Variants in ACTR3 observed in about 807,000 individuals in gnomAD.
ACTR3 encodes actin related protein 3, also known as actin-related protein 3.
Under a neutral mutation model 56.8 loss-of-function variants are expected in ACTR3, and 12 were observed. That is an observed-to-expected ratio of 0.21 (90% confidence interval 0.14 to 0.34). ACTR3 has a LOEUF of 0.34. Ranked by LOEUF, ACTR3 falls within the 10% of genes least tolerant of loss-of-function variation. The pLI is 1.00. For missense variants in ACTR3, 282 were observed against 512.5 expected (o/e 0.55, Z 4.34); for synonymous variants, 162 against 167.4 (o/e 0.97, Z 0.25).
chr2:113,942,782 A>T (rs1006500098), intron 8 of ACTR3, among the ~76,000 whole-genome samples: 5 of 152,152 alleles, frequency 3.3e-5, no homozygotes, highest in Admixed American at 3.3e-4. Flanking sequence ...ATTAAAATAT[A>T]TAACTAGTAG....
At chr2:113,939,141 A>T (rs1263117729) in intron 6 of ACTR3, among the ~76,000 whole-genome samples, 2 of 150,984 alleles carry the variant, frequency 1.3e-5, no homozygotes, top group Non-Finnish European at 2.9e-5. Flanking sequence ...CTCCTGCCTC[A>T]GCCTCCCGTG....
chr2:113,890,934 T>C (rs550998100), intron 1 of ACTR3, among the ~76,000 whole-genome samples: 88 of 152,286 alleles, frequency 5.8e-4, no homozygotes, highest in Middle Eastern at 6.8e-3. Context: ...TCCCTCTGCG[T>C]TTTAACCGGT....
chr2:113,935,683 C>T (rs1291919675), intron 6 of ACTR3, among the ~76,000 whole-genome samples: 1 of 151,948 alleles, frequency 6.6e-6, no homozygotes, highest in Non-Finnish European at 1.5e-5. Context: ...GTTTATTTTT[C>T]TTTCTTAGTG....
At chr2:113,940,188 A>T (rs1227003007) in intron 7 of ACTR3, 86 bp downstream of exon 7, 1 of 1,154,170 alleles carries the variant, frequency 8.7e-7, no homozygotes, top group African/African-American at 1.6e-5. Flanking sequence ...ATAGAAGAAG[A>T]GTACTTGAAA....
At chr2:113,942,855 A>G (rs1679949900) in intron 8 of ACTR3, among the ~76,000 whole-genome samples, 1 of 152,226 alleles carries the variant, frequency 6.6e-6, no homozygotes, top group Non-Finnish European at 1.5e-5. Context: ...TAAGAAATAC[A>G]TACTTTTAAT....
intron 1 of ACTR3, among the ~76,000 whole-genome samples, chr2:113,898,566 C>G (rs892998518): frequency 6.6e-6 from 1 of 152,068 alleles, no homozygotes; most frequent in Non-Finnish European, 1.5e-5. Flanking sequence ...TTCAGTGTTT[C>G]GTTGTAATGC....
intron 1 of ACTR3, among the ~76,000 whole-genome samples, chr2:113,898,968 C>G (rs1247765182): frequency 1.3e-5 from 2 of 152,070 alleles, no homozygotes; most frequent in East Asian, 3.9e-4. Flanking sequence ...CTCTACTGTT[C>G]CCTAATTGAG....
At chr2:113,925,283 C>T (rs1345488254) in intron 3 of ACTR3, among the ~76,000 whole-genome samples, 1 of 150,266 alleles carries the variant, frequency 6.7e-6, no homozygotes, top group African/African-American at 2.5e-5. Flanking sequence ...GCAACCTCCG[C>T]CTCCTGGGTT....
intron 10 of ACTR3, chr2:113,953,246 C>G (rs1420864326): frequency 6.6e-6 from 1 of 152,120 alleles, no homozygotes; most frequent in Non-Finnish European, 1.5e-5. Flanking sequence ...ACCCAGTGAT[C>G]AGTACCGTAT....
chr2:113,921,811 A>C (rs1679516895), intron 3 of ACTR3, among the ~76,000 whole-genome samples: 2 of 152,210 alleles, frequency 1.3e-5, no homozygotes. Context: ...GGTAAGAAAC[A>C]AGGCAGAGCT....
intron 6 of ACTR3, among the ~76,000 whole-genome samples, chr2:113,939,029 CT>C (rs746714658): frequency 7.8e-4 from 114 of 145,928 alleles, no homozygotes; most frequent in Middle Eastern, 3.6e-3. Context: ...TTCTTTCTTT[CT>C]TTTTTTTTTT....
At chr2:113,917,140 C>G in intron 3 of ACTR3, 132 bp downstream of exon 3, 6 of 729,374 alleles carry the variant, frequency 8.2e-6, no homozygotes, top group African/African-American at 1.8e-5. Flanking sequence ...ATTTCTTTTT[C>G]CCTATGGCAT....
At chr2:113,923,563 C>T (rs1297041774) in intron 3 of ACTR3, among the ~76,000 whole-genome samples, 1 of 152,100 alleles carries the variant, frequency 6.6e-6, no homozygotes, top group Non-Finnish European at 1.5e-5. Flanking sequence ...TCTCAATCTC[C>T]TGACCTCGTG....
chr2:113,892,217 C>T (rs1480667197), intron 1 of ACTR3, among the ~76,000 whole-genome samples: 2 of 152,156 alleles, frequency 1.3e-5, no homozygotes, highest in African/African-American at 2.4e-5. Flanking sequence ...ACCTCCTTTC[C>T]TAAAGGGCAA....
chr2:113,936,966 A>G (rs1679839266), intron 6 of ACTR3, among the ~76,000 whole-genome samples: 1 of 152,156 alleles, frequency 6.6e-6, no homozygotes, highest in East Asian at 1.9e-4. Flanking sequence ...AACCCTAATG[A>G]ATTCATTTTA....
rs1396017815 is a variant in ACTR3 at position 113,951,802 on chromosome 2, C to A, written c.1034C>A (p.Ala345Asp). 1 of 1,613,444 alleles carries A rather than the reference C, an allele frequency of 6.2e-7. No homozygotes were observed. Among genetic ancestry groups the A allele is most frequent in the Non-Finnish European group, 8.5e-7 (1 of 1,179,510 alleles). ...AGAGATTTGAAAAGAACTGTAGATG[C>A]CCGGCTGAAATTAAGTGAGGAATTG... is the stretch of plus-strand genomic sequence containing the variant. ...LQRDLKRTVD[A>D]RLKLSEELSG... The change falls in exon 10 of 12, where the codon GCC (alanine) becomes GAC (aspartate). Residue 345 changes from alanine (A) to aspartate (D), a missense_variant. Transcript: ENST00000263238.
Position 113,957,542 on chromosome 2 carries a change from G to A in ACTR3, c.*87G>A. The A allele has an allele frequency of 9.6e-7, 1 of 1,046,660 alleles. No homozygotes were observed. Among genetic ancestry groups the A allele is most frequent in the Non-Finnish European group, 1.5e-6 (1 of 680,040 alleles). 64.8% of individuals were successfully genotyped at this position (1,046,660 alleles called of 1,614,324 possible). ...GTTTTGTCTGGATGGCTGGTTTTGA[G>A]GTTTTAAACCTGACTTGAAATAGTA... is the stretch of plus-strand genomic sequence containing the variant. On this transcript the variant is annotated 3_prime_UTR_variant, in exon 12 of 12. Transcript: ENST00000263238.
At position 113,939,992 on chromosome 2, in the gene ACTR3, C is replaced by T; in HGVS notation, c.574C>T (p.His192Tyr). 1 of 1,612,730 alleles carries T rather than the reference C, an allele frequency of 6.2e-7. No individual in the cohort carries two copies. The highest frequency in any genetic ancestry group is 8.5e-7 in the Non-Finnish European group (1 of 1,179,294). ...EGYVIGSCIKHIPIAGRDITY... is the reference protein window; with the variant it reads ...EGYVIGSCIKYIPIAGRDITY... ...GTATGTGATTGGCAGCTGTATTAAACACATTCCAATCGCAGGACGAGATAT... is the reference window on the plus strand; with the variant it reads ...GTATGTGATTGGCAGCTGTATTAAATACATTCCAATCGCAGGACGAGATAT... Residue 192 changes from histidine (H) to tyrosine (Y), a missense_variant, in exon 7 of 12, where the codon CAC becomes TAC. By Grantham distance (83) the His-to-Tyr change is moderately conservative (BLOSUM62 2). Transcript: ENST00000263238.
chr2:113,934,620 G>T, intron 6 of ACTR3: 1 of 296,696 alleles, frequency 3.4e-6, no homozygotes, highest in Non-Finnish European at 6.1e-6. Flanking sequence ...GCAATATCTG[G>T]AATGGAAGTA....
Sources: allele counts gnomAD v4.1 joint callset (sites outside exome capture counted in the v4.1 genomes callset), GRCh38; gene constraint gnomAD v4.1.1; transcripts MANE v1.5; gene names NCBI Gene and HGNC (gene_info 2026-07-23, HGNC 2026-07-21).